Variants in PACRG observed in about 807,000 individuals in gnomAD.
The protein encoded by PACRG is parkin coregulated gene protein.
In PACRG, 29 loss-of-function variants were observed where a neutral mutation model predicts 29.7. The observed-to-expected ratio is 0.98, with a 90% CI of 0.73 to 1.33. The LOEUF is 1.33. Among genes scored for constraint, PACRG ranks in the 40% most tolerant of loss-of-function variants. The pLI, the probability that PACRG is intolerant of heterozygous loss-of-function variation, is 0.00. For synonymous variants in PACRG, 116 were observed against 118.7 expected, an observed-to-expected ratio of 0.98 and a Z score of 0.15; for missense variants, 279 against 316.2, an observed-to-expected ratio of 0.88 and a Z score of 0.89.
At chr6:162,755,583 C>T (rs1781851501) in intron 1 of PACRG, among the ~76,000 whole-genome samples, 1 of 151,888 alleles carries the variant, frequency 6.6e-6, no homozygotes, top group Admixed American at 6.6e-5. Context: ...TTACAGGCAC[C>T]CGCCACCATG....
At chr6:162,983,725 C>T (rs1435107282) in intron 2 of PACRG, among the ~76,000 whole-genome samples, 2 of 152,040 alleles carry the variant, frequency 1.3e-5, no homozygotes, top group African/African-American at 4.8e-5. Flanking sequence ...GCTTTCGCTT[C>T]ACAGCTCTTA....
intron 1 of PACRG, among the ~76,000 whole-genome samples, chr6:162,773,493 C>CTTTTTT (rs1562582605): frequency 1.8e-4 from 15 of 82,768 alleles, no homozygotes; most frequent in African/African-American, 6.2e-4. Context: ...TACAGCTTGT[C>CTTTTTT]ATTTTTTTTT....
At chr6:163,015,880 T>C (rs1363677834) in intron 2 of PACRG, among the ~76,000 whole-genome samples, 1 of 152,196 alleles carries the variant, frequency 6.6e-6, no homozygotes, top group Non-Finnish European at 1.5e-5. Context: ...TTCAATGTAT[T>C]TGAGTGACTA....
chr6:163,269,936 AAAGAAAGAAAGAAAG>A (rs1562349984), intron 4 of PACRG, among the ~76,000 whole-genome samples: 223 of 15,388 alleles, frequency 0.014, 2 homozygotes, highest in Admixed American at 0.041. Flanking sequence ...GAAAACAAAG[AAAGAAAGAAAGAAAG>A]AAAGAAAGAA....
chr6:162,868,788 G>C (rs942409875), intron 2 of PACRG, among the ~76,000 whole-genome samples: 1 of 152,172 alleles, frequency 6.6e-6, no homozygotes, highest in African/African-American at 2.4e-5. Flanking sequence ...GTTTGGGATT[G>C]TTACACAATC....
At chr6:162,727,832 C>T, upstream of PACRG, 1 of 687,106 alleles carries the variant, frequency 1.5e-6, no homozygotes, top group Non-Finnish European at 2.4e-6. Flanking sequence ...GGCCCAGGGC[C>T]TGCTGGGAGT....
At chr6:162,861,559 G>A (rs762569632) in intron 2 of PACRG, among the ~76,000 whole-genome samples, 34 of 152,054 alleles carry the variant, frequency 2.2e-4, no homozygotes, top group African/African-American at 7.2e-4. Context: ...CTATCAAAGC[G>A]AAAGCAACTG....
At chr6:162,971,587 T>C (rs1801532476) in intron 2 of PACRG, among the ~76,000 whole-genome samples, 1 of 152,210 alleles carries the variant, frequency 6.6e-6, no homozygotes, top group Non-Finnish European at 1.5e-5. Context: ...TCACGGAACG[T>C]GTGCATCCGC....
chr6:162,874,139 T>TAAAAA lies in PACRG; in HGVS notation c.291+59867_291+59871dup, dbSNP rs56159049. ...AGATCAGGCAAAAACATGAGGGAGT[T>TAAAAA]AAAAAAAAAAAAATATATATATATA... is the stretch of plus-strand genomic sequence containing the variant. On this transcript the variant is annotated intron_variant, in intron 2 of 4. Transcript: ENST00000366888. Among the ~76,000 whole-genome samples the TAAAAA allele has an allele frequency of 9.8e-3, 1,304 of 133,402 alleles. 5 individuals carry two copies. Among genetic ancestry groups the TAAAAA allele is most frequent in the African/African-American group, 0.014 (484 of 35,350 alleles). 87.5% of individuals were successfully genotyped at this position (133,402 alleles called of 152,430 possible). A position where few individuals can be genotyped will look rare whatever the true frequency, so the allele number is the denominator to read the frequency against.
rs558222214 is a variant in PACRG, at chr6:163,095,599, T to TAGCTTCCGGAGGTGCCAGCGTCCTTG, written c.613+6210_613+6211insGTCCTTGAGCTTCCGGAGGTGCCAGC. ...GGGGAAGCCTCCTTCCTGCTGCTTC[T>TAGCTTCCGGAGGTGCCAGCGTCCTTG]AGCTTCCGGAGGTGCCAGCCGTCCT... On this transcript the variant is annotated intron_variant, in intron 4 of 4. Transcript: ENST00000366888. 1,598 of 275,756 alleles carry TAGCTTCCGGAGGTGCCAGCGTCCTTG rather than the reference T, an allele frequency of 5.8e-3. 33 individuals are homozygous for TAGCTTCCGGAGGTGCCAGCGTCCTTG. The highest frequency in any genetic ancestry group is 0.035 in the African/African-American group (1,537 of 43,628). The allele number at this position is 275,756 out of a possible 1,614,324, so 17.1% of individuals were successfully genotyped here.
At chr6:163,181,011 A>G (rs1779629139) in intron 4 of PACRG, among the ~76,000 whole-genome samples, 1 of 152,174 alleles carries the variant, frequency 6.6e-6, no homozygotes, top group Admixed American at 6.5e-5. Flanking sequence ...GAACCCAGAT[A>G]GGTCAACCTC....
At position 162,771,757 on chromosome 6, in the gene PACRG, A is replaced by G. The variant is rs200816121; in HGVS notation, c.157-42390A>G. The stretch of plus-strand genomic sequence containing the variant: ...ATTTTCTTTGGAATACATAACTCTC[A>G]AGAACATTTTGATAGCTATATACAT... On this transcript the variant is annotated intron_variant, in intron 1 of 4. Transcript: ENST00000366888. 7.9e-5 allele frequency among the ~76,000 whole-genome samples: 12 copies of G among 152,326 alleles called. No individual in the cohort carries two copies. In the East Asian group the frequency reaches 1.7e-3, roughly 22 times the overall value.
intron 2 of PACRG, among the ~76,000 whole-genome samples, chr6:163,021,562 T>A (rs961803720): frequency 3.9e-5 from 6 of 152,274 alleles, no homozygotes; most frequent in African/African-American, 1.4e-4. Flanking sequence ...CACCGCAACC[T>A]GATCGTTCAT....
At chr6:163,097,053 C>T (rs1316610958) in intron 4 of PACRG, among the ~76,000 whole-genome samples, 1 of 152,190 alleles carries the variant, frequency 6.6e-6, no homozygotes, top group Non-Finnish European at 1.5e-5. Flanking sequence ...TTGGCCCTCT[C>T]ACATCATTGC....
chr6:163,133,972 T>C (rs1445083014), intron 4 of PACRG, among the ~76,000 whole-genome samples: 2 of 152,248 alleles, frequency 1.3e-5, no homozygotes, highest in African/African-American at 4.8e-5. Context: ...AACTTATATA[T>C]GTGCATATAC....
In PACRG at chr6:163,215,102, C is replaced by T. The variant is rs1781310183; in HGVS notation, c.614-99725C>T. Among the ~76,000 whole-genome samples, 3 of 151,942 alleles carry T rather than the reference C, an allele frequency of 2.0e-5. No individual in the cohort carries two copies. In the South Asian group the frequency reaches 6.2e-4, roughly 32 times the overall value. The stretch of plus-strand genomic sequence containing the variant: ...TACCCATGTATTCAGGAAATAAATG[C>T]CACTCAGTCACGGCATTTTTTTTTT... On this transcript the variant is annotated intron_variant, in intron 4 of 4. Coordinates refer to ENST00000366888, the MANE Select transcript of PACRG (RefSeq NM_001080379.2).
chr6:163,141,493 G>A (rs1475301695), intron 4 of PACRG, among the ~76,000 whole-genome samples: 6 of 151,094 alleles, frequency 4.0e-5, no homozygotes, highest in Admixed American at 2.6e-4. Context: ...ACAATGGCAG[G>A]ATGTCAGAGG....
At chr6:163,214,911 G>A (rs141055079) in intron 4 of PACRG, among the ~76,000 whole-genome samples, 2,923 of 152,212 alleles carry the variant, frequency 0.019, 26 homozygotes, top group East Asian at 0.038. Context: ...GCTTAAAAAA[G>A]AAATCTGTCA....
intron 2 of PACRG, among the ~76,000 whole-genome samples, chr6:162,939,451 CT>C (rs1798462349): frequency 6.6e-6 from 1 of 152,270 alleles, no homozygotes; most frequent in South Asian, 2.1e-4. Context: ...CATCCAGTAT[CT>C]CATTTGGGCC....
Sources: gnomAD v4.1 joint callset for allele counts (sites outside exome capture counted in the v4.1 genomes callset) on GRCh38, gnomAD v4.1.1 for gene constraint, MANE v1.5 for transcripts, NCBI Gene and HGNC (gene_info 2026-07-23, HGNC 2026-07-21) for gene names.